The following GREB1 variants were observed in gnomAD, a reference collection of about 807,000 sequenced individuals.
The protein encoded by GREB1 is protein GREB1.
Under a neutral mutation model 200.7 loss-of-function variants are expected in GREB1, and 106 were observed. That is an observed-to-expected ratio of 0.53 (90% CI 0.45 to 0.62). The LOEUF is 0.62. Ranked by LOEUF, GREB1 falls within the 20% of genes least tolerant of loss-of-function variation. The pLI is 0.00. For missense variants in GREB1, 2,243 were observed against 2,556.8 expected, an observed-to-expected ratio of 0.88 and a Z score of 2.65; for synonymous variants, 1,132 against 1,092.4, an observed-to-expected ratio of 1.04 and a Z score of -0.72.
rs3035991 is a variant in GREB1, at chr2:11,605,144, C to CTTTTTTTTTTTTTTTTT, written c.2666+2618_2666+2634dup. Among the ~76,000 whole-genome samples the CTTTTTTTTTTTTTTTTT allele has an allele frequency of 2.0e-4, 9 of 44,826 alleles. 1 individual carries two copies. Among genetic ancestry groups the CTTTTTTTTTTTTTTTTT allele is most frequent in the Non-Finnish European group, 3.9e-4 (8 of 20,584 alleles). 29.4% of individuals were successfully genotyped at this position (44,826 alleles called of 152,430 possible). ...TGGAGCTGGGCACCAGAGCCTGCTT[C>CTTTTTTTTTTTTTTTTT]TTTTTTTTTTTTTTTTTTTTTTTTT... is the stretch of plus-strand genomic sequence containing the variant. On this transcript the variant is annotated intron_variant, in intron 17 of 32. Coordinates refer to ENST00000381486, the MANE Select transcript of GREB1 (RefSeq NM_014668.4).
Position 11,620,973 on chromosome 2 carries a change from A to C in GREB1, c.4113A>C (p.Glu1371Asp), listed in dbSNP as rs368376603. The change falls in exon 23 of 33, where the codon GAA becomes GAC. Residue 1371 changes from glutamate to aspartate, a missense_variant. By Grantham distance (45) the Glu-to-Asp change is conservative (BLOSUM62 2). Around this residue, in one of 3 missense-constraint regions of GREB1, gnomAD observed 587 missense variants for 553.1 expected, o/e 1.06. Coordinates refer to ENST00000381486, the MANE Select transcript of GREB1 (RefSeq NM_014668.4). ...CCAGGATGCTTGTTCGGCTCACAGA[A>C]GTGGATGTCTATGACGAGGAGGAGA... ...VLSRMLVRLT[E>D]VDVYDEEEIN... is the part of the protein sequence containing the mutation. The C allele has an allele frequency of 5.0e-6, 8 of 1,611,682 alleles. No individual in the cohort carries two copies. The African/African-American group carries it at 1.1e-4, about 22-fold the overall frequency.
intron 3 of GREB1, among the ~76,000 whole-genome samples, chr2:11,565,674 G>A (rs1465139422): frequency 6.6e-6 from 1 of 152,162 alleles, no homozygotes; most frequent in Non-Finnish European, 1.5e-5. Context: ...GCTCCAACAC[G>A]CAAAAGGTTC....
chr2:11,542,627 G>GA (rs1572631518), intron 1 of GREB1: 1 of 134,534 alleles, frequency 7.4e-6, no homozygotes, highest in Non-Finnish European at 1.6e-5. Flanking sequence ...AAGTGCTGGG[G>GA]CGGGGGGAGG....
chr2:11,542,325 C>T (rs1203275266), intron 1 of GREB1, among the ~76,000 whole-genome samples: 3 of 152,120 alleles, frequency 2.0e-5, no homozygotes, highest in African/African-American at 7.2e-5. Context: ...AGCCCTGAGA[C>T]CCCGAAGGCC....
intron 4 of GREB1, among the ~76,000 whole-genome samples, chr2:11,569,285 T>C (rs1408322516): frequency 6.6e-6 from 1 of 152,182 alleles, no homozygotes; most frequent in Non-Finnish European, 1.5e-5. Context: ...TTACGGAATA[T>C]ATAACGTGAA....
chr2:11,508,960 C>T (rs1324690669), intron 1 of GREB1, among the ~76,000 whole-genome samples: 2 of 150,896 alleles, frequency 1.3e-5, no homozygotes, highest in Non-Finnish European at 2.9e-5. Context: ...CTGCAAGCTC[C>T]GCCTCCCGGG....
chr2:11,504,947 T>G (rs909773000), intron 1 of GREB1, among the ~76,000 whole-genome samples: 3 of 152,214 alleles, frequency 2.0e-5, no homozygotes, highest in Admixed American at 6.5e-5. Context: ...TAATTTTATT[T>G]TTTGAGATAG....
chr2:11,607,529 C>CAT lies in GREB1; in HGVS notation c.2667-3158_2667-3157insTA, dbSNP rs1342586434. ...ACATATATGTACATACATATATATA[C>CAT]ACATATATATACATATATGTACATA... On this transcript the variant is annotated intron_variant, in intron 17 of 32. Transcript: ENST00000381486. 3.7e-3 allele frequency among the ~76,000 whole-genome samples: 339 copies of CAT among 91,964 alleles called. 1 individual carries two copies. The highest frequency in any genetic ancestry group is 0.014 in the African/African-American group (313 of 22,700). 60.3% of individuals were successfully genotyped at this position (91,964 alleles called of 152,430 possible).
chr2:11,638,560 A>G, intron 31 of GREB1, 111 bp from the exon 32 acceptor site: 1 of 863,754 alleles, frequency 1.2e-6, no homozygotes, highest in Non-Finnish European at 1.8e-6. Flanking sequence ...GCCCCCCAAA[A>G]ATCTTGAGCT....
At position 11,631,957 on chromosome 2, in the gene GREB1, C is replaced by T. The variant is rs1196591924; in HGVS notation, c.4660C>T (p.His1554Tyr). 6.2e-7 allele frequency: 1 copy of T among 1,614,034 alleles called. No homozygotes were observed. Among genetic ancestry groups the T allele is most frequent in the Non-Finnish European group, 8.5e-7 (1 of 1,180,004 alleles). ...SPTFTPTTGR[H>Y]EHGLFNLYHA... is the part of the protein sequence containing the mutation. ...GACATTCACTCCAACCACCGGCCGT[C>T]ACGAACATGGGCTCTTTAATCTGTA... is the stretch of plus-strand genomic sequence containing the variant. Residue 1554 changes from histidine (H) to tyrosine (Y), a missense_variant, in exon 27 of 33, where the codon CAC (histidine) becomes TAC (tyrosine). His to Tyr is a moderately conservative substitution (Grantham distance 83). This residue lies in a region of GREB1 where 478 missense variants were observed against 616.3 expected (regional missense o/e 0.78). Coordinates refer to ENST00000381486, the MANE Select transcript of GREB1 (RefSeq NM_014668.4).
intron 1 of GREB1, among the ~76,000 whole-genome samples, chr2:11,519,511 A>G (rs939914593): frequency 7.7e-6 from 1 of 130,444 alleles, no homozygotes; most frequent in Non-Finnish European, 1.5e-5. Flanking sequence ...GCTGGAGCGC[A>G]ATGGCACGAT....
chr2:11,528,476 T>C (rs1392376849), intron 1 of GREB1, among the ~76,000 whole-genome samples: 2 of 152,202 alleles, frequency 1.3e-5, no homozygotes, highest in Non-Finnish European at 1.5e-5. Context: ...CCCCTTTGAG[T>C]TGTAAAATCT....
chr2:11,588,458 C>A (rs986149834), intron 9 of GREB1: 2 of 449,710 alleles, frequency 4.4e-6, no homozygotes, highest in African/African-American at 2.0e-5. Context: ...TGGCTCTGGG[C>A]AAGTCCCTCC....
chr2:11,561,026 G>A (rs564286344), intron 2 of GREB1, among the ~76,000 whole-genome samples: 1 of 152,272 alleles, frequency 6.6e-6, no homozygotes, highest in Non-Finnish European at 1.5e-5. Context: ...GGATGAGTGA[G>A]GGCACAGATC....
chr2:11,615,531 G>A (rs918592982), intron 20 of GREB1, among the ~76,000 whole-genome samples: 2 of 152,156 alleles, frequency 1.3e-5, no homozygotes, highest in Non-Finnish European at 2.9e-5. Context: ...GTGAGAAAAT[G>A]GAAATCCCTA....
intron 26 of GREB1, among the ~76,000 whole-genome samples, chr2:11,631,586 G>A (rs1684880587): frequency 6.6e-6 from 1 of 152,184 alleles, no homozygotes; most frequent in South Asian, 2.1e-4. Flanking sequence ...CAGGTTGTCT[G>A]CGGGCTGGCT....
intron 1 of GREB1, among the ~76,000 whole-genome samples, chr2:11,510,897 T>C (rs1196134706): frequency 6.6e-6 from 1 of 152,310 alleles, no homozygotes; most frequent in African/African-American, 2.4e-5. Context: ...GGTCTCGAAC[T>C]CCTGACCTCA....
In GREB1 at chr2:11,548,258, GCA is replaced by G. The variant is rs58877898; in HGVS notation, c.-161-8189_-161-8188del. Among the ~76,000 whole-genome samples the G allele has an allele frequency of 0.015, 2,183 of 146,886 alleles. 54 individuals are homozygous for G. Among genetic ancestry groups the G allele is most frequent in the African/African-American group, 0.051 (2,034 of 39,584 alleles). On this transcript the variant is annotated intron_variant, in intron 1 of 32. Transcript: ENST00000381486. This position sits in a 1 kb window ranked among gnomAD's most constrained non-coding sequence, Gnocchi z 5.1. ...CATGTGCACATACCCAAACATATGTGCACACACATGTACAGCCAGACACATGC... is the reference window on the plus strand; with the variant it reads ...CATGTGCACATACCCAAACATATGTGCACACATGTACAGCCAGACACATGC...
At chr2:11,635,494 C>A in intron 30 of GREB1, 89 bp downstream of exon 30, 1 of 1,458,604 alleles carries the variant, frequency 6.9e-7, no homozygotes, top group Non-Finnish European at 9.2e-7. Flanking sequence ...TTGAGGGAGG[C>A]CATGTCTCTT....
Sources: allele counts gnomAD v4.1 joint callset (sites outside exome capture counted in the v4.1 genomes callset), GRCh38; gene constraint gnomAD v4.1.1; regional missense constraint gnomAD v4.1.1; non-coding constraint Gnocchi (gnomAD v3.1); transcripts MANE v1.5; gene names NCBI Gene and HGNC (gene_info 2026-07-23, HGNC 2026-07-21).